The following CRAT variants were observed in gnomAD, a reference collection of about 807,000 sequenced individuals.
CRAT encodes carnitine acetylase.
Under a neutral mutation model 73.7 loss-of-function variants are expected in CRAT, and 66 were observed. That is an observed-to-expected ratio of 0.90 (90% confidence interval 0.73 to 1.10). The LOEUF (loss-of-function observed/expected upper bound fraction) is 1.10. CRAT is among the 50% of genes least tolerant of loss of function. The pLI is 0.00. For synonymous variants in CRAT, 321 were observed against 343.2 expected (o/e 0.94, Z 0.71); for missense variants, 745 against 846.9 (o/e 0.88, Z 1.49).
In CRAT at chr9:129,104,252, T is replaced by C; in HGVS notation, c.346A>G (p.Ile116Val). 6.2e-7 allele frequency: 1 copy of C among 1,613,678 alleles called. No homozygotes were observed. The highest frequency in any genetic ancestry group is 8.5e-7 in the Non-Finnish European group (1 of 1,179,848). Reference protein sequence around the residue: ...AYLQYRQPVVIYSSPGVMLPK... With the variant: ...AYLQYRQPVVVYSSPGVMLPK... ...AGCATCACGCCTGGGCTCGAGTAGA[T>C]GACCACAGGCTGGCGGTACTGGAGG... The change falls in exon 3 of 14, where the codon ATC (isoleucine) becomes GTC (valine). Residue 116 changes from isoleucine to valine, a missense_variant. Physicochemically the swap from Ile to Val is conservative, Grantham distance 29 (BLOSUM62 3). Coordinates refer to ENST00000318080, the MANE Select transcript of CRAT (RefSeq NM_000755.5).
In CRAT at chr9:129,098,638, C is replaced by T. The variant is rs141081974; in HGVS notation, c.1098G>A (p.Glu366=). ...GGGGCACCAGGGGAGACCGCACAAG[C>T]TCGGGTTTCTTCCTGCACAGTAAAC... is the stretch of plus-strand genomic sequence containing the variant. ...DYVIEYTKKP[E]LVRSPLVPLP... is the part of the protein sequence containing the mutation. Residue 366 remains glutamate (E), a synonymous_variant, in exon 9 of 14, where the codon GAG becomes GAA. Coordinates refer to ENST00000318080, the MANE Select transcript of CRAT (RefSeq NM_000755.5). The T allele has an allele frequency of 2.4e-3, 3,875 of 1,603,194 alleles. 43 individuals carry two copies. The highest frequency in any genetic ancestry group is 0.02 in the South Asian group (1,749 of 89,496).
At chr9:129,109,845 T>A (rs1038809621) in intron 1 of CRAT, among the ~76,000 whole-genome samples, 1 of 139,150 alleles carries the variant, frequency 7.2e-6, no homozygotes, top group African/African-American at 2.7e-5. Context: ...CGGGGAGGAC[T>A]GAGGGGTAGA....
rs774099480 is a variant in CRAT, at chr9:129,102,502, G to A, written c.528C>T (p.Ile176=). The A allele has an allele frequency of 1.2e-6, 2 of 1,614,062 alleles. No homozygotes were observed. The highest frequency in any genetic ancestry group is 2.7e-5 in the African/African-American group (2 of 74,912). ...GGCCCGGCACTCGGCAGGAGGACAAGATCTGATAGTACTGGTTCATGCACA... is the reference window on the plus strand; with the variant it reads ...GGCCCGGCACTCGGCAGGAGGACAAAATCTGATAGTACTGGTTCATGCACA... ...KPLCMNQYYQ[I]LSSCRVPGPK... is the part of the protein sequence containing the mutation. Residue 176 remains isoleucine, a synonymous_variant, in exon 5 of 14, where the codon ATC becomes ATT. Coordinates refer to ENST00000318080, the MANE Select transcript of CRAT (RefSeq NM_000755.5).
intron 9 of CRAT, 38 bp downstream of exon 9, chr9:129,098,493 A>G: frequency 6.3e-7 from 1 of 1,594,826 alleles, no homozygotes; most frequent in East Asian, 2.2e-5. Context: ...GCCTGGCCTC[A>G]CCCATCCAGC....
In CRAT at chr9:129,095,514, G is replaced by A. The variant is rs764803862; in HGVS notation, c.1764C>T (p.Ser588=). The A allele has an allele frequency of 1.9e-5, 31 of 1,613,560 alleles. No individual in the cohort carries two copies. In the Admixed American group the frequency reaches 4.5e-4, roughly 23 times the overall value. ...YNPMEAHINF[S]LSAYNSCAET... is the part of the protein sequence containing the mutation. ...CCGCGCAGCTGTTGTAGGCCGACAG[G>A]GAGAAGTTGATGTGGGCCTCCATGG... Residue 588 remains serine, a synonymous_variant, in exon 14 of 14, where the codon TCC becomes TCT. Coordinates refer to ENST00000318080, the MANE Select transcript of CRAT (RefSeq NM_000755.5).
Position 129,099,909 on chromosome 9 carries a change from C to G in CRAT, c.1042G>C (p.Gly348Arg). 1 of 1,613,780 alleles carries G rather than the reference C, an allele frequency of 6.2e-7. No homozygotes were observed. The highest frequency in any genetic ancestry group is 1.6e-4 in the Middle Eastern group (1 of 6,062). Residue 348 changes from glycine to arginine, a missense_variant, in exon 8 of 14, where the codon GGG becomes CGG. Coordinates refer to ENST00000318080, the MANE Select transcript of CRAT (RefSeq NM_000755.5). ...GLVYEHAAAE[G>R]PPIVTLLDYV... ...TCCAGAAGGGTGACAATAGGGGGCC[C>G]CTCCGCTGCAGCATGCTCGTACACA... is the stretch of plus-strand genomic sequence containing the variant.
chr9:129,098,200 C>T, intron 10 of CRAT, 49 bp downstream of exon 10: 3 of 1,612,738 alleles, frequency 1.9e-6, no homozygotes, highest in Non-Finnish European at 2.5e-6. Context: ...ACCCCCTCCC[C>T]TGCCCCCAGG....
In CRAT at chr9:129,103,632, A is replaced by G. The variant is rs1303552169; in HGVS notation, c.410+556T>C. ...GCCGCCCCTGGATCCCACCATGGGGACCAGTGGCTGGAGTTCCTGGGCCTG... is the reference window on the plus strand; with the variant it reads ...GCCGCCCCTGGATCCCACCATGGGGGCCAGTGGCTGGAGTTCCTGGGCCTG... On this transcript the variant is annotated intron_variant, in intron 3 of 13. Coordinates refer to ENST00000318080, the MANE Select transcript of CRAT (RefSeq NM_000755.5). The surrounding 1 kb of genome is among the most constrained non-coding windows in gnomAD (Gnocchi z 4.6). Among the ~76,000 whole-genome samples the G allele has an allele frequency of 6.6e-6, 1 of 152,026 alleles. No individual in the cohort carries two copies. Among genetic ancestry groups the G allele is most frequent in the African/African-American group, 2.4e-5 (1 of 41,374 alleles).
chr9:129,097,248 AC>A lies in CRAT; in HGVS notation c.1527+1del. 1.9e-6 allele frequency: 3 copies of A among 1,556,970 alleles called. No homozygotes were observed. Among genetic ancestry groups the A allele is most frequent in the Non-Finnish European group, 2.6e-6 (3 of 1,150,114 alleles). On this transcript the variant is annotated splice_donor_variant, in intron 12 of 13. Coordinates refer to ENST00000318080, the MANE Select transcript of CRAT (RefSeq NM_000755.5). LOFTEE classifies it high-confidence loss of function. ...TGAGTAGGCACAAGCGGGCTCACTTACCCGGTCGGTGTAGCCTCGGTGGGCC... is the reference window on the plus strand; with the variant it reads ...TGAGTAGGCACAAGCGGGCTCACTTACCGGTCGGTGTAGCCTCGGTGGGCC...
In CRAT at chr9:129,102,017, AG is replaced by A; in HGVS notation, c.670del (p.Leu224SerfsTer48). ...CTGCACAAAGATCTGATCCGCAGTG[AG>A]GGGTGTCCCGTCACTGTGGTACACA... ...LDVYHSDGTP[L>X]TADQIFVQLE... On this transcript the variant is annotated frameshift_variant, in exon 6 of 14. Transcript: ENST00000318080. LOFTEE classifies it high-confidence loss of function. 1.2e-6 allele frequency: 2 copies of A among 1,614,200 alleles called. No homozygotes were observed. The highest frequency in any genetic ancestry group is 1.1e-5 in the South Asian group (1 of 91,084).
chr9:129,108,069 A>T lies in CRAT; in HGVS notation c.36T>A (p.Pro12=), dbSNP rs769306350. The change falls in exon 2 of 14, where the codon CCT becomes CCA. Residue 12 remains proline, a synonymous_variant. Transcript: ENST00000318080. ...LAFAARTVVK[P]LGFLKPFSLM... ...AGGAGAAGGGCTTCAGGAAGCCCAG[A>T]GGCTTCACCTGCAGGTAGCAGAACA... 4 of 1,515,286 alleles carry T rather than the reference A, an allele frequency of 2.6e-6. No individual in the cohort carries two copies. Among genetic ancestry groups the T allele is most frequent in the Non-Finnish European group, 3.5e-6 (4 of 1,138,776 alleles). The allele number at this position is 1,515,286 out of a possible 1,614,324, so 93.9% of individuals were successfully genotyped here.
chr9:129,095,889 T>C, intron 13 of CRAT, 109 bp downstream of exon 13: 2 of 1,478,396 alleles, frequency 1.4e-6, no homozygotes, highest in Non-Finnish European at 1.9e-6. Context: ...GCTCCTCCTC[T>C]GGAACTCAGC....
In CRAT at chr9:129,103,081, TAG is replaced by T. The variant is rs778520816; in HGVS notation, c.411-17_411-16del. 1.3e-5 allele frequency: 21 copies of T among 1,613,304 alleles called. No individual in the cohort carries two copies. The highest frequency in any genetic ancestry group is 1.7e-5 in the Non-Finnish European group (20 of 1,179,382). ...TGGCAGCAAATCTGGAAAGATTGAT[TAG>T]AGATTAGAAGCTGCGTGGACACCCT... On this transcript the variant is annotated splice_polypyrimidine_tract_variant and intron_variant, in intron 3 of 13. Coordinates refer to ENST00000318080, the MANE Select transcript of CRAT (RefSeq NM_000755.5). The surrounding 1 kb of genome is among the most constrained non-coding windows in gnomAD (Gnocchi z 4.6).
chr9:129,105,461 T>A (rs944106344), intron 2 of CRAT, among the ~76,000 whole-genome samples: 2 of 152,192 alleles, frequency 1.3e-5, no homozygotes, highest in East Asian at 1.9e-4. Flanking sequence ...GCTGGGACTA[T>A]AGGTGCGCAC....
Position 129,104,443 on chromosome 9 carries a change from G to T in CRAT, c.292-137C>A, listed in dbSNP as rs1240816604. 7.8e-6 allele frequency: 5 copies of T among 641,070 alleles called. No individual in the cohort carries two copies. In the African/African-American group the frequency reaches 9.2e-5, roughly 12 times the overall value. 39.7% of individuals were successfully genotyped at this position (641,070 alleles called of 1,614,324 possible). ...TTCTCAAAGTAAATGCCTAGATCCA[G>T]AACCCACCCTCCCTGCCCCACAACT... On this transcript the variant is annotated intron_variant, in intron 2 of 13. Transcript: ENST00000318080.
rs1847783205 is a variant in CRAT at position 129,102,994 on chromosome 9, C to T, written c.464+19G>A. The stretch of plus-strand genomic sequence containing the variant: ...AGGCCTGGGCAGGTGTGGGGCTGGG[C>T]AGGGGTGGGGATGCTCACTTGTCAA... On this transcript the variant is annotated intron_variant, in intron 4 of 13. Coordinates refer to ENST00000318080, the MANE Select transcript of CRAT (RefSeq NM_000755.5). 1.9e-6 allele frequency: 3 copies of T among 1,610,440 alleles called. No individual in the cohort carries two copies. The highest frequency in any genetic ancestry group is 2.5e-6 in the Non-Finnish European group (3 of 1,176,840).
rs750556155 is a variant in CRAT at position 129,098,051 on chromosome 9, G to A, written c.1426C>T (p.Leu476Phe). Residue 476 changes from leucine to phenylalanine, a missense_variant, in exon 11 of 14, where the codon CTC becomes TTC. Transcript: ENST00000318080. ...TCATCCATGGCCTTGACAAAGGTGA[G>A]TGAGTCCATGGAAGCCGAGCGGATG... is the stretch of plus-strand genomic sequence containing the variant. ...DTIRSASMDS[L>F]TFVKAMDDSS... is the part of the protein sequence containing the mutation. 6.2e-7 allele frequency: 1 copy of A among 1,614,058 alleles called. No homozygotes were observed. The highest frequency in any genetic ancestry group is 8.5e-7 in the Non-Finnish European group (1 of 1,180,048).
chr9:129,109,840 AG>A (rs1848283505), intron 1 of CRAT, among the ~76,000 whole-genome samples: 1 of 143,994 alleles, frequency 6.9e-6, no homozygotes, highest in Non-Finnish European at 1.5e-5. Flanking sequence ...CTCACCGGGG[AG>A]GACTGAGGGG....
At chr9:129,105,826 C>T (rs1231810951) in intron 2 of CRAT, among the ~76,000 whole-genome samples, 5 of 152,140 alleles carry the variant, frequency 3.3e-5, no homozygotes. Context: ...TCCTTACTCT[C>T]TGCCCTGACG....
Sources: gnomAD v4.1 joint callset for allele counts (sites outside exome capture counted in the v4.1 genomes callset) on GRCh38, gnomAD v4.1.1 for gene constraint, Gnocchi (gnomAD v3.1) non-coding constraint, MANE v1.5 for transcripts, NCBI Gene and HGNC (gene_info 2026-07-23, HGNC 2026-07-21) for gene names.